The following MTTP variants were observed in gnomAD, a reference collection of about 807,000 sequenced individuals.
MTTP encodes microsomal triglyceride transfer protein, also known as microsomal triglyceride transfer protein large subunit.
Under a neutral mutation model 90.6 loss-of-function variants are expected in MTTP, and 49 were observed. That is an observed-to-expected ratio of 0.54 (90% CI 0.43 to 0.69). The LOEUF is 0.69. MTTP is among the 30% of genes least tolerant of loss of function. The pLI is 0.00. For synonymous variants in MTTP, 347 were observed against 384.2 expected (o/e 0.90, Z 1.13); for missense variants, 945 against 1,067.5 (o/e 0.89, Z 1.60).
At chr4:99,622,195 C>T (rs746531311) in intron 17 of MTTP, among the ~76,000 whole-genome samples, 46 of 152,194 alleles carry the variant, frequency 3.0e-4, no homozygotes, top group Non-Finnish European at 4.3e-4. Context: ...CCCCAACCTT[C>T]TAATGGTTGA....
In MTTP at chr4:99,619,048, A is replaced by G; in HGVS notation, c.2292A>G (p.Ala764=). 1.9e-6 allele frequency: 3 copies of G among 1,613,718 alleles called. No homozygotes were observed. Among genetic ancestry groups the G allele is most frequent in the Non-Finnish European group, 2.5e-6 (3 of 1,179,672 alleles). The change falls in exon 16 of 18, where the codon GCA becomes GCG. Residue 764 remains alanine, a synonymous_variant. Coordinates refer to ENST00000265517, the MANE Select transcript of MTTP (RefSeq NM_001386140.1). ...GTCTAGCTATTGATATTTCAGGTGC[A>G]ATGGAGTTTAGCTTGTGGTATCGTG... ...QGGLAIDISG[A]MEFSLWYRES...
chr4:99,582,160 A>G, intron 2 of MTTP, 68 bp downstream of exon 2: 1 of 1,503,648 alleles, frequency 6.7e-7, no homozygotes, highest in Admixed American at 1.7e-5. Flanking sequence ...GTACCATTGG[A>G]CAGCACTTGT....
intron 7 of MTTP, among the ~76,000 whole-genome samples, chr4:99,596,552 C>G (rs1243921372): frequency 6.6e-6 from 1 of 151,890 alleles, no homozygotes; most frequent in Non-Finnish European, 1.5e-5. Flanking sequence ...TTAGCAACAG[C>G]AAAACATTGA....
intron 1 of MTTP, among the ~76,000 whole-genome samples, chr4:99,565,169 C>T (rs966878187): frequency 6.6e-6 from 1 of 152,188 alleles, no homozygotes; most frequent in Non-Finnish European, 1.5e-5. Context: ...TAAATTCAGG[C>T]TGGCAAAGTG....
intron 3 of MTTP, among the ~76,000 whole-genome samples, chr4:99,586,595 G>T (rs1462765085): frequency 1.3e-5 from 2 of 152,054 alleles, no homozygotes; most frequent in Admixed American, 6.6e-5. Flanking sequence ...TTACTTGTTT[G>T]TTCTCCAGTG....
chr4:99,614,366 C>G (rs1390576317), intron 15 of MTTP, among the ~76,000 whole-genome samples: 3 of 152,070 alleles, frequency 2.0e-5, no homozygotes, highest in Non-Finnish European at 4.4e-5. Flanking sequence ...TGGGAGATAT[C>G]TTAGGTATTA....
chr4:99,591,601 T>A (rs1258124258), intron 5 of MTTP, 50 bp from the exon 6 acceptor site: 1 of 1,580,110 alleles, frequency 6.3e-7, no homozygotes. Context: ...CTTGATTCAA[T>A]AATTTAAACG....
intron 2 of MTTP, 26 bp from the exon 3 acceptor site, chr4:99,583,348 T>TA (rs1265731819): frequency 1.9e-6 from 3 of 1,611,654 alleles, no homozygotes; most frequent in Non-Finnish European, 2.5e-6. Flanking sequence ...AAGTTTTTTT[T>TA]AACAGCTTTC....
chr4:99,576,776 A>T (rs1362520381), intron 1 of MTTP, among the ~76,000 whole-genome samples: 1 of 152,104 alleles, frequency 6.6e-6, no homozygotes, highest in Admixed American at 6.5e-5. Flanking sequence ...TAAATGAGAA[A>T]ATGTGGTTTA....
chr4:99,606,082 A>G (rs1224925398), intron 10 of MTTP, among the ~76,000 whole-genome samples: 1 of 152,116 alleles, frequency 6.6e-6, no homozygotes. Flanking sequence ...TAAGACCAGA[A>G]CCCAGATGTC....
rs146172944 is a variant in MTTP, at chr4:99,623,032, G to A, written c.*184G>A. ...GTATATGCAGTATGCTACCCACAGC[G>A]TCATTTTGAATCATCATGTGACGCT... is the stretch of plus-strand genomic sequence containing the variant. On this transcript the variant is annotated 3_prime_UTR_variant, in exon 18 of 18. Transcript: ENST00000265517. 92 of 642,426 alleles carry A rather than the reference G, an allele frequency of 1.4e-4. No homozygotes were observed. In the East Asian group the frequency reaches 2.4e-3, roughly 17 times the overall value. The allele number at this position is 642,426 out of a possible 1,614,324, so 39.8% of individuals were successfully genotyped here. A position where few individuals can be genotyped will look rare whatever the true frequency, so the allele number is the denominator to read the frequency against.
chr4:99,602,702 A>G (rs1578247895), intron 10 of MTTP, among the ~76,000 whole-genome samples: 1 of 152,272 alleles, frequency 6.6e-6, no homozygotes, highest in Admixed American at 6.5e-5. Context: ...ATATTAGGGA[A>G]GCATGACTTC....
intron 1 of MTTP, among the ~76,000 whole-genome samples, chr4:99,568,264 C>G (rs1486651592): frequency 6.6e-6 from 1 of 152,020 alleles, no homozygotes; most frequent in Admixed American, 6.5e-5. Context: ...TCCCCAAAAA[C>G]ATACCAAAAA....
intron 15 of MTTP, among the ~76,000 whole-genome samples, chr4:99,618,749 A>ATC (rs1457781968): frequency 6.6e-6 from 1 of 152,198 alleles, no homozygotes; most frequent in African/African-American, 2.4e-5. Flanking sequence ...TTGGCACTTC[A>ATC]TCACTCTGGT....
chr4:99,620,981 C>A, intron 16 of MTTP, 80 bp from the exon 17 acceptor site: 2 of 1,344,332 alleles, frequency 1.5e-6, no homozygotes, highest in Non-Finnish European at 2.1e-6. Flanking sequence ...TACGTTCAGA[C>A]CCTGTAAAGT....
At chr4:99,612,612 G>C (rs991220264) in intron 14 of MTTP, among the ~76,000 whole-genome samples, 1 of 152,056 alleles carries the variant, frequency 6.6e-6, no homozygotes, top group Non-Finnish European at 1.5e-5. Context: ...GACAGAAGGG[G>C]TATGGGTCCC....
chr4:99,581,971 T>C lies in MTTP; in HGVS notation c.128T>C (p.Leu43Pro). Residue 43 changes from leucine (L) to proline (P), a missense_variant, in exon 2 of 18, where the codon CTT (leucine) becomes CCT (proline). By Grantham distance (98) the Leu-to-Pro change is moderately conservative. Transcript: ENST00000265517. ...LYKLTYSTEVLLDRGKGKLQD... is the reference protein window; with the variant it reads ...LYKLTYSTEVPLDRGKGKLQD... ...AAGCTCACGTACTCCACTGAAGTTC[T>C]TCTTGATCGGGGCAAAGGAAAACTG... The C allele has an allele frequency of 6.2e-7, 1 of 1,614,186 alleles. No individual in the cohort carries two copies. The highest frequency in any genetic ancestry group is 1.6e-4 in the Middle Eastern group (1 of 6,062).
At chr4:99,574,614 T>C (rs1724908648), upstream of MTTP, 3 of 521,736 alleles carry the variant, frequency 5.8e-6, no homozygotes, top group Non-Finnish European at 3.4e-6. Flanking sequence ...GATGGTAGAC[T>C]GGTTTGGTTT....
intron 3 of MTTP, among the ~76,000 whole-genome samples, chr4:99,584,587 A>C (rs1027667658): frequency 6.7e-6 from 1 of 148,946 alleles, no homozygotes; most frequent in Non-Finnish European, 1.5e-5. Flanking sequence ...ACTATCTTCA[A>C]GAATGCTTTC....
Sources: gnomAD v4.1 joint callset for allele counts (sites outside exome capture counted in the v4.1 genomes callset) on GRCh38, gnomAD v4.1.1 for gene constraint, MANE v1.5 for transcripts, NCBI Gene and HGNC (gene_info 2026-07-23, HGNC 2026-07-21) for gene names.